ATP8A1: variants seen among roughly 807,000 people sequenced by gnomAD.
ATP8A1 encodes the protein phospholipid-transporting ATPase IA.
A neutral mutation model predicts 177.7 loss-of-function variants in ATP8A1; 90 were observed. The observed-to-expected ratio is 0.51, with a 90% CI of 0.43 to 0.60. The LOEUF is 0.60. ATP8A1 is among the 20% of genes least tolerant of loss of function. ATP8A1 has a pLI of 0.00. For synonymous variants in ATP8A1, 493 were observed against 485.9 expected (o/e 1.01, Z -0.19); for missense variants, 1,072 against 1,392.8 (o/e 0.77, Z 3.67).
Position 42,551,409 on chromosome 4 carries a change from TA to T in ATP8A1, c.1520-130del, listed in dbSNP as rs1729491485. 3.3e-5 allele frequency: 21 copies of T among 629,696 alleles called. No individual in the cohort carries two copies. In the South Asian group the frequency reaches 4.2e-4, roughly 13 times the overall value. The allele number at this position is 629,696 out of a possible 1,614,324, so 39.0% of individuals were successfully genotyped here. On this transcript the variant is annotated intron_variant, in intron 17 of 36. Coordinates refer to ENST00000381668, the MANE Select transcript of ATP8A1 (RefSeq NM_006095.2). ...TTCTTTTTATTCTGGCTCATGTTAT[TA>T]ATCCAATTATTTTAAAATTACATGA...
At chr4:42,655,616 AT>A (rs1295011734) in intron 1 of ATP8A1, among the ~76,000 whole-genome samples, 3 of 152,228 alleles carry the variant, frequency 2.0e-5, no homozygotes, top group Non-Finnish European at 4.4e-5. Flanking sequence ...GGTATTACAA[AT>A]GACAGCATGT....
chr4:42,628,522 A>G (rs1055212596), intron 1 of ATP8A1, among the ~76,000 whole-genome samples: 3 of 152,152 alleles, frequency 2.0e-5, no homozygotes, highest in Non-Finnish European at 4.4e-5. Flanking sequence ...GGAGGGGCAC[A>G]GGGTGAGAGG....
intron 9 of ATP8A1, among the ~76,000 whole-genome samples, chr4:42,583,388 G>A (rs1343116647): frequency 6.6e-6 from 1 of 152,162 alleles, no homozygotes; most frequent in Admixed American, 6.5e-5. Flanking sequence ...GAGTTGAAAG[G>A]GGCCTTGGGC....
At chr4:42,627,266 A>G (rs547894660) in intron 1 of ATP8A1, among the ~76,000 whole-genome samples, 157 bp from the exon 2 acceptor site, 1 of 152,296 alleles carries the variant, frequency 6.6e-6, no homozygotes, top group East Asian at 1.9e-4. Flanking sequence ...CCCATATTTA[A>G]CATTTCTACT....
At chr4:42,422,304 C>G (rs1269382749) in intron 35 of ATP8A1, among the ~76,000 whole-genome samples, 1 of 152,046 alleles carries the variant, frequency 6.6e-6, no homozygotes, top group South Asian at 2.1e-4. Flanking sequence ...GTTGGTCAGG[C>G]TGGTCTCGAA....
chr4:42,464,540 C>T (rs1046859516), intron 27 of ATP8A1, 150 bp downstream of exon 27: 4 of 527,662 alleles, frequency 7.6e-6, no homozygotes, highest in Non-Finnish European at 1.3e-5. Context: ...GCTGGGATTA[C>T]AGGCCACCTT....
chr4:42,612,308 G>A (rs954983966), intron 5 of ATP8A1, among the ~76,000 whole-genome samples: 1 of 150,972 alleles, frequency 6.6e-6, no homozygotes, highest in Non-Finnish European at 1.5e-5. Flanking sequence ...TCATTTACTC[G>A]TTCATTTAAC....
chr4:42,456,006 A>G (rs995137641), intron 27 of ATP8A1, among the ~76,000 whole-genome samples: 3 of 152,132 alleles, frequency 2.0e-5, no homozygotes, highest in African/African-American at 7.2e-5. Flanking sequence ...ACACTTGTTT[A>G]TTTAGGAAAT....
chr4:42,515,773 A>G (rs1725464209), intron 22 of ATP8A1, among the ~76,000 whole-genome samples: 3 of 152,354 alleles, frequency 2.0e-5, no homozygotes, highest in Admixed American at 1.3e-4. Flanking sequence ...CCTAGAGCCT[A>G]GAACAGAACC....
At chr4:42,602,951 C>T (rs1015678300) in intron 5 of ATP8A1, among the ~76,000 whole-genome samples, 1 of 151,974 alleles carries the variant, frequency 6.6e-6, no homozygotes, top group East Asian at 1.9e-4. Flanking sequence ...TATAAGTTTG[C>T]ATTAATTTAG....
intron 22 of ATP8A1, 76 bp from the exon 23 acceptor site, chr4:42,507,230 AT>A (rs1412115065): frequency 7.0e-7 from 1 of 1,424,548 alleles, no homozygotes; most frequent in African/African-American, 1.4e-5. Context: ...AAGTGTGTAT[AT>A]GTTTTAAAAT....
chr4:42,480,764 A>T (rs1305054620), intron 25 of ATP8A1, among the ~76,000 whole-genome samples: 2 of 152,212 alleles, frequency 1.3e-5, no homozygotes, highest in Non-Finnish European at 2.9e-5. Flanking sequence ...CCCAAATGAC[A>T]ACACTCACTG....
At position 42,472,229 on chromosome 4, in the gene ATP8A1, G is replaced by C. The variant is rs1342713302; in HGVS notation, c.2325-7153C>G. The C allele has an allele frequency of 1.4e-5, 8 of 586,088 alleles. No homozygotes were observed. In the Admixed American group the frequency reaches 1.6e-4, roughly 11 times the overall value. 36.3% of individuals were successfully genotyped at this position (586,088 alleles called of 1,614,324 possible). The stretch of plus-strand genomic sequence containing the variant: ...AGTGAAATTGTGGGCAAGAGAATCT[G>C]TGTGAAACTGGATGACAGCCGGCTC... On this transcript the variant is annotated intron_variant, in intron 25 of 36. Transcript: ENST00000381668.
At chr4:42,622,963 C>T (rs564648035) in intron 4 of ATP8A1, among the ~76,000 whole-genome samples, 1 of 147,022 alleles carries the variant, frequency 6.8e-6, no homozygotes, top group African/African-American at 2.5e-5. Flanking sequence ...GAGCCGAGAT[C>T]GCACCACTGC....
At chr4:42,609,907 C>G (rs187500578) in intron 5 of ATP8A1, among the ~76,000 whole-genome samples, 1 of 152,146 alleles carries the variant, frequency 6.6e-6, no homozygotes, top group Non-Finnish European at 1.5e-5. Flanking sequence ...AAAAATGACC[C>G]TAACTTGCCT....
At chr4:42,448,017 T>C (rs1717472223) in intron 30 of ATP8A1, among the ~76,000 whole-genome samples, 1 of 152,232 alleles carries the variant, frequency 6.6e-6, no homozygotes, top group South Asian at 2.1e-4. Flanking sequence ...AAAAAGTTTT[T>C]ATGTGGTTTA....
At chr4:42,509,113 C>T (rs1160267379) in intron 22 of ATP8A1, among the ~76,000 whole-genome samples, 1 of 152,216 alleles carries the variant, frequency 6.6e-6, no homozygotes, top group Non-Finnish European at 1.5e-5. Flanking sequence ...TAGTACTGAA[C>T]TGGGCAGTTG....
chr4:42,514,798 C>A (rs1366369295), intron 22 of ATP8A1, among the ~76,000 whole-genome samples: 3 of 152,138 alleles, frequency 2.0e-5, no homozygotes, highest in Non-Finnish European at 4.4e-5. Context: ...GGTCCCTGAG[C>A]AAGTAACTTA....
intron 33 of ATP8A1, among the ~76,000 whole-genome samples, chr4:42,440,302 C>A (rs1052716230): frequency 3.3e-5 from 5 of 151,104 alleles, no homozygotes; most frequent in African/African-American, 1.2e-4. Context: ...AAATATAAAT[C>A]AGGTCATGAC....
Sources: allele counts gnomAD v4.1 joint callset (sites outside exome capture counted in the v4.1 genomes callset), GRCh38; gene constraint gnomAD v4.1.1; transcripts MANE v1.5; gene names NCBI Gene and HGNC (gene_info 2026-07-23, HGNC 2026-07-21).